Variants in DLG2 observed in about 807,000 individuals in gnomAD.
DLG2 encodes disks large homolog 2.
In DLG2, 45 loss-of-function variants were observed where a neutral mutation model predicts 132.5. That is an observed-to-expected ratio of 0.34 (90% CI 0.27 to 0.44). The LOEUF is 0.44. Ranked by LOEUF, DLG2 falls within the 20% of genes least tolerant of loss-of-function variation. The pLI is 1.00. For missense variants in DLG2, 1,045 were observed against 1,196.9 expected, an observed-to-expected ratio of 0.87 and a Z score of 1.87; for synonymous variants, 424 against 419.6, an observed-to-expected ratio of 1.01 and a Z score of -0.13.
At chr11:85,586,865 G>C (rs1389196787) in intron 3 of DLG2, among the ~76,000 whole-genome samples, 1 of 152,020 alleles carries the variant, frequency 6.6e-6, no homozygotes, top group South Asian at 2.1e-4. Flanking sequence ...CACTGCTTTT[G>C]CTGTGTCCCA....
chr11:83,875,255 G>A (rs2154068515), intron 15 of DLG2, among the ~76,000 whole-genome samples: 1 of 152,192 alleles, frequency 6.6e-6, no homozygotes, highest in East Asian at 1.9e-4. Flanking sequence ...GACTGATTTT[G>A]TAGATAAGTA....
At chr11:85,181,134 G>T (rs11821177) in intron 4 of DLG2, among the ~76,000 whole-genome samples, 4,912 of 151,534 alleles carry the variant, frequency 0.032, 102 homozygotes, top group African/African-American at 0.047. Context: ...CACTAAAGAA[G>T]AAATAATTTC....
intron 3 of DLG2, among the ~76,000 whole-genome samples, chr11:85,390,182 C>G (rs1481675339): frequency 1.3e-5 from 2 of 151,678 alleles, no homozygotes; most frequent in Non-Finnish European, 2.9e-5. Context: ...CAAATGAACA[C>G]CAAAAGGGAG....
intron 17 of DLG2, among the ~76,000 whole-genome samples, chr11:83,795,267 G>T (rs1413157107): frequency 6.6e-6 from 1 of 152,072 alleles, no homozygotes; most frequent in African/African-American, 2.4e-5. Context: ...AATTAGCCAG[G>T]TGTGGTGGCA....
At chr11:84,131,000 C>T (rs2094399741) in intron 9 of DLG2, among the ~76,000 whole-genome samples, 2 of 151,988 alleles carry the variant, frequency 1.3e-5, no homozygotes, top group African/African-American at 4.8e-5. Flanking sequence ...AAAACCAACA[C>T]ATACATGTAC....
chr11:84,326,405 A>G (rs2098432929), intron 7 of DLG2, among the ~76,000 whole-genome samples: 1 of 152,092 alleles, frequency 6.6e-6, no homozygotes, highest in East Asian at 1.9e-4. Context: ...ATGGTATCCC[A>G]TAAGTTTTGG....
At chr11:84,474,606 T>A (rs895111796) in intron 7 of DLG2, among the ~76,000 whole-genome samples, 1 of 152,088 alleles carries the variant, frequency 6.6e-6, no homozygotes, top group African/African-American at 2.4e-5. Context: ...GGCAACAGGC[T>A]CAGATAAATA....
intron 6 of DLG2, among the ~76,000 whole-genome samples, chr11:84,587,022 G>C (rs956117498): frequency 2.0e-5 from 3 of 152,102 alleles, no homozygotes; most frequent in Admixed American, 6.6e-5. Context: ...TTTCTTAAAG[G>C]GAACTTTAAC....
At chr11:84,793,002 C>T (rs1423170827) in intron 6 of DLG2, among the ~76,000 whole-genome samples, 1 of 151,918 alleles carries the variant, frequency 6.6e-6, no homozygotes, top group African/African-American at 2.4e-5. Flanking sequence ...GAAGGTGTAT[C>T]ATTAAATAAT....
At position 83,726,023 on chromosome 11, in the gene DLG2, C is replaced by A. The variant is rs116350433; in HGVS notation, c.1825+60667G>T. ...AAAGAGCAGTGCACAGGCTAAAAAA[C>A]CCTATGAGGGAAAAAAAAGTCCCTC... On this transcript the variant is annotated intron_variant, in intron 18 of 27. Transcript: ENST00000376104. Among the ~76,000 whole-genome samples, 405 of 152,114 alleles carry A rather than the reference C, an allele frequency of 2.7e-3. 4 individuals carry two copies. Among genetic ancestry groups the A allele is most frequent in the African/African-American group, 9.3e-3 (384 of 41,494 alleles).
chr11:84,459,022 A>G (rs1296008826), intron 7 of DLG2, among the ~76,000 whole-genome samples: 1 of 150,698 alleles, frequency 6.6e-6, no homozygotes, highest in Non-Finnish European at 1.5e-5. Context: ...TTATACACCT[A>G]GTAAATGATG....
chr11:84,117,073 T>C (rs145038514), intron 9 of DLG2, among the ~76,000 whole-genome samples: 2 of 152,316 alleles, frequency 1.3e-5, no homozygotes, highest in East Asian at 3.9e-4. Flanking sequence ...TATTCTATTC[T>C]TCCTTTAGGG....
chr11:84,027,922 T>C (rs1471517867), intron 11 of DLG2, among the ~76,000 whole-genome samples: 1 of 151,940 alleles, frequency 6.6e-6, no homozygotes, highest in African/African-American at 2.4e-5. Context: ...AAAATAGAAA[T>C]AAGAATGTAC....
At chr11:84,783,734 G>A (rs1598042045) in intron 6 of DLG2, among the ~76,000 whole-genome samples, 1 of 152,100 alleles carries the variant, frequency 6.6e-6, no homozygotes, top group Non-Finnish European at 1.5e-5. Flanking sequence ...TAATGCAACT[G>A]ATCTAGAGTC....
At chr11:83,606,633 TA>T (rs10713800) in intron 19 of DLG2, among the ~76,000 whole-genome samples, 64,082 of 147,142 alleles carry the variant, frequency 0.44, 14,088 homozygotes, top group African/African-American at 0.54. Context: ...TAGTGTTTGT[TA>T]AAAAAAAAAA....
chr11:83,709,004 G>A (rs1298863031), intron 18 of DLG2, among the ~76,000 whole-genome samples: 2 of 151,994 alleles, frequency 1.3e-5, no homozygotes, highest in Non-Finnish European at 1.5e-5. Flanking sequence ...GACTTTACTT[G>A]ATGATTTATT....
intron 5 of DLG2, among the ~76,000 whole-genome samples, chr11:85,122,969 A>ATATATATATAT (rs1438099030): frequency 1.2e-5 from 1 of 86,894 alleles, no homozygotes; most frequent in African/African-American, 4.3e-5. Flanking sequence ...ATATATATAT[A>ATATATATATAT]TTTTTTTTTT....
chr11:85,221,978 G>A (rs2152610452), intron 4 of DLG2, among the ~76,000 whole-genome samples: 1 of 150,862 alleles, frequency 6.6e-6, no homozygotes, highest in Non-Finnish European at 1.5e-5. Context: ...CACTCTGCCA[G>A]CCAGGCTGGA....
intron 7 of DLG2, among the ~76,000 whole-genome samples, chr11:84,282,877 C>G (rs2097866348): frequency 1.3e-5 from 2 of 152,154 alleles, no homozygotes; most frequent in South Asian, 4.1e-4. Context: ...AACCAACTCT[C>G]AAGTTCTTTC....
Sources: gnomAD v4.1 joint callset for allele counts (sites outside exome capture counted in the v4.1 genomes callset) on GRCh38, gnomAD v4.1.1 for gene constraint, MANE v1.5 for transcripts, NCBI Gene and HGNC (gene_info 2026-07-23, HGNC 2026-07-21) for gene names.